Variants in LINGO2 observed in about 807,000 individuals in gnomAD.
LINGO2 encodes the protein leucine-rich repeat and immunoglobulin-like domain-containing nogo receptor-interacting protein 2.
Under a neutral mutation model 30.6 loss-of-function variants are expected in LINGO2, and 14 were observed. That is an observed-to-expected ratio of 0.46 (90% CI 0.30 to 0.72). The LOEUF is 0.72. Among genes scored for constraint, LINGO2 ranks in the 30% least tolerant of loss-of-function variants. The pLI is 0.07. For synonymous variants in LINGO2, 317 were observed against 288.5 expected, an observed-to-expected ratio of 1.10 and a Z score of -1.00; for missense variants, 729 against 751.7, an observed-to-expected ratio of 0.97 and a Z score of 0.35.
chr9:28,960,818 T>G, the LINGO2 span, among the ~76,000 whole-genome samples: 1 of 94,100 alleles, frequency 1.1e-5, no homozygotes, highest in South Asian at 3.4e-4. Flanking sequence ...CAGTCCATAT[T>G]CTAGAAAATG....
At chr9:28,176,643 G>A (rs894709809) in intron 4 of LINGO2, among the ~76,000 whole-genome samples, 4 of 152,028 alleles carry the variant, frequency 2.6e-5, no homozygotes, top group African/African-American at 7.2e-5. Context: ...TTTACAACAA[G>A]CCAATGAGGC....
intron 5 of LINGO2, among the ~76,000 whole-genome samples, chr9:27,956,453 C>CT (rs1338277826): frequency 6.6e-6 from 1 of 151,956 alleles, no homozygotes; most frequent in African/African-American, 2.4e-5. Flanking sequence ...AATACAAGTT[C>CT]TTTATTAGAT....
At chr9:28,896,301 A>G in the LINGO2 span, among the ~76,000 whole-genome samples, 5 of 152,164 alleles carry the variant, frequency 3.3e-5, no homozygotes, top group African/African-American at 1.2e-4. Context: ...ATGAAATTCA[A>G]TTTGAGTTAT....
intron 1 of LINGO2, among the ~76,000 whole-genome samples, chr9:28,479,912 TATA>T (rs1183247229): frequency 7.1e-4 from 9 of 12,748 alleles, no homozygotes; most frequent in Non-Finnish European, 1.3e-3. Context: ...TATACGTAGG[TATA>T]TATATATATA....
At chr9:29,084,734 T>A in the LINGO2 span, among the ~76,000 whole-genome samples, 1 of 152,008 alleles carries the variant, frequency 6.6e-6, no homozygotes, top group African/African-American at 2.4e-5. Context: ...CTGTTCTTAC[T>A]CTGAACACCT....
At chr9:28,543,788 C>T (rs906053877) in intron 1 of LINGO2, among the ~76,000 whole-genome samples, 1 of 152,042 alleles carries the variant, frequency 6.6e-6, no homozygotes, top group Non-Finnish European at 1.5e-5. Context: ...TCATTAATTT[C>T]AAACACATTA....
chr9:28,911,024 T>G, the LINGO2 span, among the ~76,000 whole-genome samples: 455 of 152,166 alleles, frequency 3.0e-3, 3 homozygotes, highest in Admixed American at 0.023. Flanking sequence ...AAGTCTGTTT[T>G]TGTTTTTCCT....
At chr9:28,621,534 G>T (rs1227941918) in intron 1 of LINGO2, among the ~76,000 whole-genome samples, 2 of 151,614 alleles carry the variant, frequency 1.3e-5, no homozygotes, top group East Asian at 3.9e-4. Context: ...ACATTTTCTA[G>T]AATTGTATAT....
intron 1 of LINGO2, among the ~76,000 whole-genome samples, chr9:28,560,519 T>C (rs1328794645): frequency 6.6e-6 from 1 of 152,126 alleles, no homozygotes; most frequent in African/African-American, 2.4e-5. Context: ...AGTCATCTTC[T>C]ATATACGTAT....
At chr9:27,989,204 A>G (rs1035936062) in intron 5 of LINGO2, among the ~76,000 whole-genome samples, 1 of 151,940 alleles carries the variant, frequency 6.6e-6, no homozygotes, top group African/African-American at 2.4e-5. Flanking sequence ...TAAGTTCAGC[A>G]TTCCCATCAA....
At chr9:29,146,726 T>C in the LINGO2 span, among the ~76,000 whole-genome samples, 1 of 152,314 alleles carries the variant, frequency 6.6e-6, no homozygotes, top group East Asian at 1.9e-4. Flanking sequence ...CAATTGTTTT[T>C]TGTAAGTTAC....
the LINGO2 span, among the ~76,000 whole-genome samples, chr9:29,063,412 T>A: frequency 6.6e-6 from 1 of 152,038 alleles, no homozygotes; most frequent in East Asian, 1.9e-4. Context: ...ACACCTTTTT[T>A]TTTTTTTTTG....
At chr9:28,771,193 C>G in the LINGO2 span, among the ~76,000 whole-genome samples, 7 of 152,178 alleles carry the variant, frequency 4.6e-5, no homozygotes, top group South Asian at 1.2e-3. Context: ...GATCCCACAT[C>G]TGAGCACCAG....
the LINGO2 span, among the ~76,000 whole-genome samples, chr9:28,814,134 T>G: frequency 6.6e-6 from 1 of 152,152 alleles, no homozygotes. Context: ...ACACATGTAA[T>G]AAGTCTTAAA....
chr9:28,209,556 A>G (rs975579012), intron 4 of LINGO2, among the ~76,000 whole-genome samples: 1 of 152,014 alleles, frequency 6.6e-6, no homozygotes, highest in African/African-American at 2.4e-5. Flanking sequence ...TAATGAAAAT[A>G]CAAAAATAAA....
chr9:28,367,483 C>A (rs1357052977), intron 3 of LINGO2, among the ~76,000 whole-genome samples: 1 of 151,818 alleles, frequency 6.6e-6, no homozygotes, highest in Admixed American at 6.6e-5. Context: ...AATGTTATCT[C>A]CTTCTTATAT....
At chr9:28,414,760 C>T (rs917150326) in intron 2 of LINGO2, among the ~76,000 whole-genome samples, 7 of 152,054 alleles carry the variant, frequency 4.6e-5, no homozygotes, top group African/African-American at 1.7e-4. Flanking sequence ...CTTCATTGTT[C>T]TGTGTTTTTG....
the LINGO2 span, among the ~76,000 whole-genome samples, chr9:29,149,028 C>T: frequency 9.2e-5 from 14 of 152,068 alleles, no homozygotes; most frequent in African/African-American, 3.1e-4. Flanking sequence ...GTGTTATTAT[C>T]GGTTGTCACA....
At chr9:29,086,522 A>ATAATAT in the LINGO2 span, among the ~76,000 whole-genome samples, 1 of 152,108 alleles carries the variant, frequency 6.6e-6, no homozygotes, top group South Asian at 2.1e-4. Context: ...TCCACACTTG[A>ATAATAT]TAATATTAAA....
Sources: gnomAD v4.1 joint callset for allele counts (sites outside exome capture counted in the v4.1 genomes callset) on GRCh38, gnomAD v4.1.1 for gene constraint, MANE v1.5 for transcripts, NCBI Gene and HGNC (gene_info 2026-07-23, HGNC 2026-07-21) for gene names.